Variants in DOCK11 observed in about 807,000 individuals in gnomAD.
The protein encoded by DOCK11 is dedicator of cytokinesis 11, also known as dedicator of cytokinesis protein 11.
In DOCK11, 70 loss-of-function variants were observed where a neutral mutation model predicts 169.1. The observed-to-expected ratio is 0.41, with a 90% CI of 0.34 to 0.51. The LOEUF (loss-of-function observed/expected upper bound fraction) is 0.51, where lower values mean the gene tolerates loss of function less well. Ranked by LOEUF, DOCK11 falls within the 20% of genes least tolerant of loss-of-function variation. The pLI, the probability that DOCK11 is intolerant of heterozygous loss-of-function variation, is 0.10. For synonymous variants in DOCK11, 529 were observed against 541.3 expected (o/e 0.98, Z 0.32); for missense variants, 1,166 against 1,538.8 (o/e 0.76, Z 4.05).
intron 9 of DOCK11, among the ~76,000 whole-genome samples, chrX:118,567,352 T>C (rs1886924538): frequency 9.0e-6 from 1 of 111,240 alleles, no homozygotes; most frequent in African/African-American, 3.3e-5. Flanking sequence ...CTTTTTTTTT[T>C]CTATTTTAAA....
At chrX:118,500,173 C>G (rs2057565666) in intron 1 of DOCK11, among the ~76,000 whole-genome samples, 2 of 109,502 alleles carry the variant, frequency 1.8e-5, no homozygotes, top group Non-Finnish European at 3.8e-5. Context: ...CTCAGCCTCC[C>G]GAGTAGCTGG....
chrX:118,496,287 G>A (rs916545402), intron 1 of DOCK11, among the ~76,000 whole-genome samples: 2 of 73,273 alleles, frequency 2.7e-5, no homozygotes, highest in African/African-American at 1.0e-4. Flanking sequence ...GGAGGCGTGC[G>A]CCGGGATGGA....
At chrX:118,529,703 G>A (rs971499678) in intron 1 of DOCK11, among the ~76,000 whole-genome samples, 11 of 111,720 alleles carry the variant, frequency 9.8e-5, no homozygotes, top group Admixed American at 2.8e-4. Context: ...CGAAGGAAGC[G>A]TAGGAAATAG....
At chrX:118,582,909 C>G (rs2013696724) in intron 14 of DOCK11, among the ~76,000 whole-genome samples, 1 of 111,948 alleles carries the variant, frequency 8.9e-6, no homozygotes, top group Non-Finnish European at 1.9e-5. Flanking sequence ...CAACATTTGA[C>G]CCAGCAGTCC....
intron 10 of DOCK11, among the ~76,000 whole-genome samples, chrX:118,569,214 T>C (rs1427453843): frequency 8.8e-5 from 9 of 101,863 alleles, no homozygotes; most frequent in African/African-American, 3.2e-4. Flanking sequence ...TGCCTCAGCC[T>C]CCCGAGTAGC....
rs1603167316 is a variant in DOCK11, at chrX:118,655,075, C to A, written c.4969+114C>A. On this transcript the variant is annotated intron_variant, in intron 44 of 52. Transcript: ENST00000276202. ...ATAGAACACTGAAAAATATGTTCAC[C>A]CTTGGCCTTATTCAGTGTTAAAAAT... The A allele has an allele frequency of 7.2e-6, 5 of 697,357 alleles. No individual in the cohort carries two copies. In the East Asian group the frequency reaches 1.7e-4, roughly 23 times the overall value. The allele number at this position is 697,357 out of a possible 1,213,427, so 57.5% of individuals were successfully genotyped here. A position where few individuals can be genotyped will look rare whatever the true frequency, so the allele number is the denominator to read the frequency against.
chrX:118,518,203 C>T (rs1487303759), intron 1 of DOCK11, among the ~76,000 whole-genome samples: 1 of 111,772 alleles, frequency 8.9e-6, no homozygotes, highest in Non-Finnish European at 1.9e-5. Context: ...GGGAGAATTA[C>T]TTATGAATTA....
intron 40 of DOCK11, among the ~76,000 whole-genome samples, chrX:118,647,289 G>A (rs1372157664): frequency 1.9e-5 from 2 of 102,658 alleles, no homozygotes; most frequent in Non-Finnish European, 3.9e-5. Flanking sequence ...AGGAACTGTT[G>A]AAATATAAAG....
intron 28 of DOCK11, 25 bp downstream of exon 28, chrX:118,610,443 G>A: frequency 3.3e-6 from 4 of 1,197,990 alleles, no homozygotes; most frequent in Admixed American, 2.3e-5. Context: ...GCTAGAATGT[G>A]GTAAGGAACT....
intron 1 of DOCK11, among the ~76,000 whole-genome samples, chrX:118,536,705 A>G (rs755146694): frequency 1.8e-5 from 2 of 111,806 alleles, no homozygotes; most frequent in South Asian, 7.4e-4. Context: ...TCTTGGGTTT[A>G]TCTACCTTCC....
rs773845051 is a variant in DOCK11, at chrX:118,534,723, G to A, written c.103-8002G>A. Among the ~76,000 whole-genome samples the A allele has an allele frequency of 1.3e-4, 14 of 111,947 alleles. No individual in the cohort carries two copies. The South Asian group carries it at 5.2e-3, about 41-fold the overall frequency. ...TGCCATTTTAGCTTGGAAGGCATAC[G>A]TGTAAGAGCAGTCTCTTTGTACTAT... On this transcript the variant is annotated intron_variant, in intron 1 of 52. Transcript: ENST00000276202.
intron 23 of DOCK11, among the ~76,000 whole-genome samples, chrX:118,601,421 CAAAA>C (rs199813534): frequency 3.7e-5 from 2 of 54,009 alleles, no homozygotes; most frequent in Admixed American, 2.3e-4. Flanking sequence ...GACCCTGTCT[CAAAA>C]AAAAAAAAAA....
At chrX:118,502,880 C>T (rs1029009864) in intron 1 of DOCK11, among the ~76,000 whole-genome samples, 2 of 110,601 alleles carry the variant, frequency 1.8e-5, no homozygotes. Flanking sequence ...GCCGAGAAGC[C>T]GGGGGCTGTG....
chrX:118,502,154 C>T (rs756676859), intron 1 of DOCK11, among the ~76,000 whole-genome samples: 2 of 111,507 alleles, frequency 1.8e-5, no homozygotes, highest in African/African-American at 3.3e-5. Context: ...TCATCTAGAC[C>T]GCTTGTCCAC....
intron 34 of DOCK11, among the ~76,000 whole-genome samples, chrX:118,629,574 G>A (rs1485595670): frequency 2.7e-5 from 3 of 111,687 alleles, no homozygotes; most frequent in Non-Finnish European, 1.9e-5. Flanking sequence ...TCAGTACTTT[G>A]TAGAGGTACT....
chrX:118,503,496 C>T (rs777930926), intron 1 of DOCK11, among the ~76,000 whole-genome samples: 1 of 111,598 alleles, frequency 9.0e-6, no homozygotes, highest in South Asian at 3.7e-4. Flanking sequence ...AGAGGAAGAG[C>T]GGAGGTGGAG....
At chrX:118,655,704 C>T (rs1326474453) in intron 44 of DOCK11, among the ~76,000 whole-genome samples, 1 of 111,686 alleles carries the variant, frequency 9.0e-6, no homozygotes, top group Non-Finnish European at 1.9e-5. Context: ...AAATAGTAAC[C>T]CAGTTGAGTT....
At chrX:118,658,953 T>G (rs1353063166) in intron 44 of DOCK11, among the ~76,000 whole-genome samples, 1 of 111,592 alleles carries the variant, frequency 9.0e-6, no homozygotes, top group Non-Finnish European at 1.9e-5. Context: ...AAAAAGGAAT[T>G]TCCTTTCCCA....
chrX:118,589,987 T>C (rs1301540184), intron 18 of DOCK11, among the ~76,000 whole-genome samples: 1 of 112,527 alleles, frequency 8.9e-6, no homozygotes, highest in Non-Finnish European at 1.9e-5. Flanking sequence ...GTTTCTTTGA[T>C]GGCTGGAAAT....
Sources: allele counts gnomAD v4.1 joint callset (sites outside exome capture counted in the v4.1 genomes callset), GRCh38; gene constraint gnomAD v4.1.1; transcripts MANE v1.5; gene names NCBI Gene and HGNC (gene_info 2026-07-23, HGNC 2026-07-21).